Variants in TBC1D9 observed in about 807,000 individuals in gnomAD.
The protein encoded by TBC1D9 is TBC1 domain family member 9A.
TBC1D9 carries 63 observed loss-of-function variants against 132.0 expected under a neutral mutation model. The observed-to-expected ratio is 0.48, with a 90% CI of 0.39 to 0.59. The LOEUF is 0.59. TBC1D9 is among the 20% of genes least tolerant of loss of function. The pLI, the probability that TBC1D9 is intolerant of heterozygous loss-of-function variation, is 0.00. For synonymous variants in TBC1D9, 610 were observed against 609.9 expected (o/e 1.00, Z 0.00); for missense variants, 1,261 against 1,592.7 (o/e 0.79, Z 3.54).
At chr4:140,661,798 TTC>T (rs1180763383) in intron 10 of TBC1D9, 93 bp downstream of exon 10, 19 of 1,059,844 alleles carry the variant, frequency 1.8e-5, no homozygotes, top group Non-Finnish European at 2.5e-5. Context: ...AAAGTGATAG[TTC>T]TGTTAACCAT....
At chr4:140,687,815 G>GT (rs1232626634) in intron 2 of TBC1D9, among the ~76,000 whole-genome samples, 4 of 152,308 alleles carry the variant, frequency 2.6e-5, no homozygotes, top group South Asian at 4.1e-4. Context: ...GCTGAGTGCA[G>GT]TGGCTCACGA....
Position 140,686,363 on chromosome 4 carries a change from A to G in TBC1D9, c.341T>C (p.Phe114Ser). ...CACTACCTGTATTTTTCCTCTCACA[A>G]ATGTGGTGATATCATTCTCATTTTC... ...IFENENDITT[F>S]VRGKIQGIIA... Residue 114 changes from phenylalanine (F) to serine (S), a missense_variant, in exon 3 of 21, where the codon TTT becomes TCT. Around this residue, in one of 3 missense-constraint regions of TBC1D9, gnomAD observed 550 missense variants for 699.0 expected, o/e 0.79. Transcript: ENST00000442267. The G allele has an allele frequency of 6.3e-7, 1 of 1,598,578 alleles. No homozygotes were observed.
intron 6 of TBC1D9, among the ~76,000 whole-genome samples, chr4:140,672,540 T>C (rs1190839776): frequency 6.6e-6 from 1 of 152,168 alleles, no homozygotes; most frequent in Non-Finnish European, 1.5e-5. Flanking sequence ...TTACATTATG[T>C]GTCTAAAACG....
chr4:140,678,850 T>C (rs1461067995), intron 5 of TBC1D9, 92 bp downstream of exon 5: 2 of 1,455,568 alleles, frequency 1.4e-6, no homozygotes, highest in Admixed American at 1.9e-5. Context: ...TTCAGAACCC[T>C]TGAAGATCGT....
intron 9 of TBC1D9, among the ~76,000 whole-genome samples, chr4:140,668,245 A>G (rs1737477733): frequency 6.6e-6 from 1 of 152,220 alleles, no homozygotes; most frequent in South Asian, 2.1e-4. Context: ...CAAAGATCTG[A>G]TGTGACAGAA....
At chr4:140,750,159 TA>T (rs59794272) in intron 1 of TBC1D9, among the ~76,000 whole-genome samples, 169 of 148,644 alleles carry the variant, frequency 1.1e-3, no homozygotes, top group Non-Finnish European at 1.9e-3. Context: ...GAACAAAAAT[TA>T]AAAAAAAAAA....
chr4:140,646,284 T>C (rs1737102537), intron 13 of TBC1D9, among the ~76,000 whole-genome samples: 1 of 152,160 alleles, frequency 6.6e-6, no homozygotes, highest in Non-Finnish European at 1.5e-5. Context: ...ACCCAGGTCG[T>C]CTGATTTGAG....
chr4:140,667,172 G>A (rs910402578), intron 9 of TBC1D9, among the ~76,000 whole-genome samples: 1 of 152,192 alleles, frequency 6.6e-6, no homozygotes, highest in Non-Finnish European at 1.5e-5. Context: ...CTGGCCTTCA[G>A]GCGAACCCCA....
intron 1 of TBC1D9, among the ~76,000 whole-genome samples, chr4:140,739,851 T>C (rs1323426645): frequency 6.6e-6 from 1 of 152,204 alleles, no homozygotes; most frequent in South Asian, 2.1e-4. Flanking sequence ...AAAAAAAATT[T>C]TTTTTAAACA....
chr4:140,753,875 C>T (rs766228307), intron 1 of TBC1D9, among the ~76,000 whole-genome samples: 11 of 152,170 alleles, frequency 7.2e-5, no homozygotes, highest in Admixed American at 1.3e-4. Flanking sequence ...CATTGTGTAA[C>T]ATTTCTAAAA....
intron 13 of TBC1D9, chr4:140,643,617 G>T: frequency 1.0e-6 from 1 of 966,108 alleles, no homozygotes. Context: ...CGCTGCCTCT[G>T]CCGCAGGAAC....
chr4:140,670,158 G>A (rs1737513469), intron 7 of TBC1D9, among the ~76,000 whole-genome samples: 2 of 152,132 alleles, frequency 1.3e-5, no homozygotes, highest in African/African-American at 4.8e-5. Flanking sequence ...TGAGTTTCTG[G>A]CGCCTCAAAA....
rs374253955 is a variant in TBC1D9, at chr4:140,756,059, G to A, written c.-14C>T. 1.9e-6 allele frequency: 3 copies of A among 1,601,492 alleles called. No individual in the cohort carries two copies. The highest frequency in any genetic ancestry group is 2.6e-6 in the Non-Finnish European group (3 of 1,174,348). Reference sequence around the variant, plus strand: ...GTTCACCCACATGGTCCTGGCTGCCGCGGGCGGGCGCACAATGGGCCCGTG... The same window carrying A: ...GTTCACCCACATGGTCCTGGCTGCCACGGGCGGGCGCACAATGGGCCCGTG... On this transcript the variant is annotated 5_prime_UTR_variant, in exon 1 of 21. Coordinates refer to ENST00000442267, the MANE Select transcript of TBC1D9 (RefSeq NM_015130.3). This position sits in a 1 kb window ranked among gnomAD's most constrained non-coding sequence, Gnocchi z 5.6.
chr4:140,633,538 T>C (rs1736830524), intron 16 of TBC1D9, among the ~76,000 whole-genome samples: 1 of 152,190 alleles, frequency 6.6e-6, no homozygotes, highest in Non-Finnish European at 1.5e-5. Context: ...AAACATTTCA[T>C]AATGTTTTAT....
intron 1 of TBC1D9, among the ~76,000 whole-genome samples, chr4:140,743,021 G>A (rs1738785032): frequency 6.6e-6 from 1 of 151,888 alleles, no homozygotes; most frequent in African/African-American, 2.4e-5. Flanking sequence ...GGAAGGGATG[G>A]AGGGAGGGAG....
intron 2 of TBC1D9, among the ~76,000 whole-genome samples, chr4:140,692,101 G>A (rs1481670785): frequency 1.3e-5 from 2 of 152,156 alleles, no homozygotes; most frequent in Non-Finnish European, 2.9e-5. Context: ...AACCTGTATT[G>A]CAGAATAACT....
intron 2 of TBC1D9, among the ~76,000 whole-genome samples, chr4:140,697,878 G>A (rs1737994347): frequency 6.6e-6 from 1 of 152,128 alleles, no homozygotes; most frequent in African/African-American, 2.4e-5. Context: ...ATTGAGGTGG[G>A]AAGACCGAGC....
chr4:140,668,766 C>T (rs999733163), intron 9 of TBC1D9, 151 bp downstream of exon 9: 19 of 815,748 alleles, frequency 2.3e-5, no homozygotes, highest in Middle Eastern at 7.5e-4. Context: ...AATTGAGGAA[C>T]TTCAATACTC....
chr4:140,660,889 T>G (rs1737346254), intron 10 of TBC1D9, among the ~76,000 whole-genome samples: 1 of 151,770 alleles, frequency 6.6e-6, no homozygotes, highest in Non-Finnish European at 1.5e-5. Context: ...AGGGAAGGCC[T>G]CTACAATGAT....
Sources: allele counts gnomAD v4.1 joint callset (sites outside exome capture counted in the v4.1 genomes callset), GRCh38; gene constraint gnomAD v4.1.1; regional missense constraint gnomAD v4.1.1; non-coding constraint Gnocchi (gnomAD v3.1); transcripts MANE v1.5; gene names NCBI Gene and HGNC (gene_info 2026-07-23, HGNC 2026-07-21).